Variants in MCTP1 observed in about 807,000 individuals in gnomAD.
The protein encoded by MCTP1 is multiple C2 and transmembrane domain containing 1.
MCTP1 carries 69 observed loss-of-function variants against 120.6 expected under a neutral mutation model. The ratio of observed to expected loss-of-function variants is 0.57; its 90% CI spans 0.47 to 0.70. The LOEUF (loss-of-function observed/expected upper bound fraction) is 0.70. MCTP1 is among the 30% of genes least tolerant of loss of function. The probability of loss-of-function intolerance (pLI) is 0.00; values close to 1 mark genes in which losing one functional copy is unlikely to be tolerated. For synonymous variants in MCTP1, 529 were observed against 493.1 expected, an observed-to-expected ratio of 1.07 and a Z score of -0.96; for missense variants, 1,203 against 1,248.8, an observed-to-expected ratio of 0.96 and a Z score of 0.55.
intron 4 of MCTP1, among the ~76,000 whole-genome samples, chr5:94,940,538 G>T (rs1437646780): frequency 7.2e-6 from 1 of 139,086 alleles, no homozygotes; most frequent in Non-Finnish European, 1.5e-5. Context: ...GTGTGTGTGT[G>T]TATACACATA....
intron 1 of MCTP1, among the ~76,000 whole-genome samples, chr5:95,200,553 T>C (rs947286874): frequency 1.3e-5 from 2 of 152,150 alleles, no homozygotes; most frequent in Non-Finnish European, 1.5e-5. Flanking sequence ...TGCAACAACA[T>C]AGATGAAGCT....
chr5:94,743,178 T>C (rs530278712), intron 19 of MCTP1, among the ~76,000 whole-genome samples: 122 of 151,092 alleles, frequency 8.1e-4, no homozygotes, highest in Non-Finnish European at 1.5e-3. Context: ...GATTATTCAC[T>C]GGCTTCTCAC....
intron 1 of MCTP1, among the ~76,000 whole-genome samples, chr5:95,162,524 AATAT>A (rs987067851): frequency 1.4e-4 from 21 of 152,182 alleles, no homozygotes; most frequent in African/African-American, 5.1e-4. Flanking sequence ...AAATCTATAA[AATAT>A]ATCATGTTTG....
chr5:95,127,719 C>T (rs1758739848), intron 1 of MCTP1, among the ~76,000 whole-genome samples: 2 of 152,272 alleles, frequency 1.3e-5, no homozygotes, highest in East Asian at 1.9e-4. Context: ...ATGACTCCAA[C>T]CCGTACTGTA....
chr5:95,081,751 T>G, intron 1 of MCTP1: 1 of 1,182,708 alleles, frequency 8.5e-7, no homozygotes, highest in Non-Finnish European at 1.0e-6. Flanking sequence ...GCAAAACTGT[T>G]AGTACAGATT....
intron 19 of MCTP1, among the ~76,000 whole-genome samples, chr5:94,764,224 G>A (rs1772013812): frequency 6.6e-6 from 1 of 152,148 alleles, no homozygotes; most frequent in Non-Finnish European, 1.5e-5. Context: ...TCAGTATGCA[G>A]GGACATATAT....
At chr5:94,977,311 G>T (rs1828331971) in intron 2 of MCTP1, among the ~76,000 whole-genome samples, 1 of 151,960 alleles carries the variant, frequency 6.6e-6, no homozygotes, top group Non-Finnish European at 1.5e-5. Context: ...GTTAATGAAA[G>T]AAATTAAAGA....
chr5:94,966,271 C>A (rs764844069), intron 2 of MCTP1, among the ~76,000 whole-genome samples: 7 of 152,208 alleles, frequency 4.6e-5, no homozygotes, highest in Middle Eastern at 3.4e-3. Context: ...TCCCAGACAC[C>A]CATATTTTTC....
chr5:95,154,635 C>G (rs551700149), intron 1 of MCTP1, among the ~76,000 whole-genome samples: 1 of 152,208 alleles, frequency 6.6e-6, no homozygotes, highest in African/African-American at 2.4e-5. Flanking sequence ...GTAATTATGG[C>G]AAACAAGTTC....
chr5:95,094,106 G>A (rs73140050), intron 1 of MCTP1, among the ~76,000 whole-genome samples: 340 of 152,320 alleles, frequency 2.2e-3, no homozygotes, highest in African/African-American at 7.7e-3. Context: ...CCTGCCTGAC[G>A]TGAAGATTGA....
intron 1 of MCTP1, among the ~76,000 whole-genome samples, chr5:95,230,998 G>T (rs1754875762): frequency 6.6e-6 from 1 of 152,158 alleles, no homozygotes; most frequent in African/African-American, 2.4e-5. Context: ...AATAGAGGTA[G>T]AGGATGGAAA....
chr5:95,239,724 TA>T (rs1259933472), intron 1 of MCTP1, among the ~76,000 whole-genome samples: 4 of 152,176 alleles, frequency 2.6e-5, no homozygotes, highest in Non-Finnish European at 5.9e-5. Flanking sequence ...TTCTAATTTC[TA>T]AAGGACTGAG....
intron 2 of MCTP1, among the ~76,000 whole-genome samples, chr5:94,990,370 A>G (rs1195584618): frequency 6.6e-6 from 1 of 152,204 alleles, no homozygotes; most frequent in Non-Finnish European, 1.5e-5. Context: ...CTGAGTTCTC[A>G]TCTGGACCCT....
At chr5:94,777,946 G>C (rs1290389355) in intron 19 of MCTP1, among the ~76,000 whole-genome samples, 3 of 151,684 alleles carry the variant, frequency 2.0e-5, no homozygotes, top group Non-Finnish European at 4.4e-5. Flanking sequence ...GTGTGTGTGT[G>C]TGTGTGTGTG....
chr5:95,142,927 A>G (rs1562178184), intron 1 of MCTP1, among the ~76,000 whole-genome samples: 1 of 152,242 alleles, frequency 6.6e-6, no homozygotes, highest in Non-Finnish European at 1.5e-5. Flanking sequence ...TGCTTTAAAT[A>G]TGATGGACAT....
intron 12 of MCTP1, among the ~76,000 whole-genome samples, chr5:94,878,520 A>G (rs1174853654): frequency 6.6e-6 from 1 of 152,018 alleles, no homozygotes; most frequent in Admixed American, 6.6e-5. Context: ...CTTTTTTTTC[A>G]TATTGAAGAT....
chr5:95,171,181 G>T (rs1406573975), intron 1 of MCTP1, among the ~76,000 whole-genome samples: 1 of 152,090 alleles, frequency 6.6e-6, no homozygotes, highest in African/African-American at 2.4e-5. Context: ...GCTTAGTGTG[G>T]CTGGATATGA....
chr5:94,943,288 C>T (rs1818173272), intron 3 of MCTP1, among the ~76,000 whole-genome samples: 1 of 152,040 alleles, frequency 6.6e-6, no homozygotes, highest in Non-Finnish European at 1.5e-5. Context: ...AAGGAGTACG[C>T]ATGCTAGCAA....
At chr5:94,967,720 G>A (rs539621671) in intron 2 of MCTP1, among the ~76,000 whole-genome samples, 97 of 152,316 alleles carry the variant, frequency 6.4e-4, no homozygotes, top group African/African-American at 1.7e-3. Flanking sequence ...TTATGATGGC[G>A]CAATATTTTA....
Sources: gnomAD v4.1 joint callset for allele counts (sites outside exome capture counted in the v4.1 genomes callset) on GRCh38, gnomAD v4.1.1 for gene constraint, MANE v1.5 for transcripts, NCBI Gene and HGNC (gene_info 2026-07-23, HGNC 2026-07-21) for gene names.